Variants in PARN observed in about 807,000 individuals in gnomAD.
PARN encodes poly(A)-specific ribonuclease, also known as poly(A)-specific ribonuclease PARN.
In PARN, 71 loss-of-function variants were observed where a neutral mutation model predicts 102.8. That is an observed-to-expected ratio of 0.69 (90% CI 0.57 to 0.84). The LOEUF is 0.84. Among genes scored for constraint, PARN ranks in the 40% least tolerant of loss-of-function variants. The pLI is 0.00. For missense variants in PARN, 782 were observed against 760.9 expected (o/e 1.03, Z -0.33); for synonymous variants, 261 against 252.9 (o/e 1.03, Z -0.30).
chr16:14,468,117 G>A (rs1962474995), intron 22 of PARN, among the ~76,000 whole-genome samples: 1 of 152,206 alleles, frequency 6.6e-6, no homozygotes, highest in Non-Finnish European at 1.5e-5. Context: ...CGAAGGGAAG[G>A]ATCATAAATG....
At chr16:14,459,038 A>C (rs575629057) in intron 22 of PARN, among the ~76,000 whole-genome samples, 2 of 152,326 alleles carry the variant, frequency 1.3e-5, no homozygotes, top group East Asian at 1.9e-4. Flanking sequence ...TCTCTAAAAA[A>C]AACTGAAACC....
At chr16:14,601,539 C>T (rs1970865342) in intron 11 of PARN, among the ~76,000 whole-genome samples, 1 of 152,136 alleles carries the variant, frequency 6.6e-6, no homozygotes, top group African/African-American at 2.4e-5. Context: ...GATGATTGCA[C>T]AGCAATGTTA....
intron 6 of PARN, among the ~76,000 whole-genome samples, chr16:14,612,876 C>T (rs537169469): frequency 1.1e-4 from 17 of 151,862 alleles, no homozygotes; most frequent in African/African-American, 4.1e-4. Flanking sequence ...AGATTACAGG[C>T]GTGAGCCACC....
chr16:14,553,256 T>TAAAAAAA (rs58411352), intron 20 of PARN, among the ~76,000 whole-genome samples: 5 of 117,454 alleles, frequency 4.3e-5, no homozygotes, highest in Admixed American at 8.9e-5. Flanking sequence ...TATTTCTATT[T>TAAAAAAA]AAAAAAAAAA....
chr16:14,600,092 G>A (rs976937603), intron 11 of PARN, 132 bp from the exon 12 acceptor site: 56 of 508,662 alleles, frequency 1.1e-4, no homozygotes, highest in Middle Eastern at 1.0e-3. Flanking sequence ...TGTGCTTTGC[G>A]CCTATCTTCC....
chr16:14,440,699 C>T (rs1203396116), intron 23 of PARN, among the ~76,000 whole-genome samples: 3 of 152,126 alleles, frequency 2.0e-5, no homozygotes, highest in African/African-American at 7.2e-5. Flanking sequence ...ATACACGCAC[C>T]ACCACAAATC....
chr16:14,558,769 C>G (rs952581722), intron 18 of PARN, among the ~76,000 whole-genome samples: 5 of 152,020 alleles, frequency 3.3e-5, no homozygotes, highest in African/African-American at 9.7e-5. Context: ...ATGATTTTAC[C>G]TTTATAAAAT....
At chr16:14,449,273 G>A (rs921950175) in intron 22 of PARN, among the ~76,000 whole-genome samples, 1 of 152,042 alleles carries the variant, frequency 6.6e-6, no homozygotes, top group Non-Finnish European at 1.5e-5. Context: ...AAATACTGAG[G>A]CATATATGGA....
chr16:14,461,093 G>C (rs182524013), intron 22 of PARN, among the ~76,000 whole-genome samples: 1 of 152,268 alleles, frequency 6.6e-6, no homozygotes, highest in East Asian at 1.9e-4. Flanking sequence ...CTAACCACTA[G>C]AAAAATATCA....
chr16:14,461,119 G>A (rs575090068), intron 22 of PARN, among the ~76,000 whole-genome samples: 1 of 152,270 alleles, frequency 6.6e-6, no homozygotes, highest in Admixed American at 6.5e-5. Flanking sequence ...ACTCAAGTTG[G>A]AGGACATTCC....
intron 22 of PARN, among the ~76,000 whole-genome samples, chr16:14,453,915 T>C (rs772454487): frequency 1.3e-4 from 20 of 152,224 alleles, no homozygotes; most frequent in Non-Finnish European, 2.9e-4. Context: ...AACATAAGTT[T>C]TTATTTTTCA....
intron 21 of PARN, among the ~76,000 whole-genome samples, chr16:14,551,394 C>A (rs187307393): frequency 0.028 from 4,249 of 151,864 alleles, 80 homozygotes; most frequent in Non-Finnish European, 0.04. Flanking sequence ...CATCGTGAAA[C>A]CCCATCTCTA....
chr16:14,444,608 C>T (rs1961107728), intron 23 of PARN, among the ~76,000 whole-genome samples: 2 of 152,060 alleles, frequency 1.3e-5, no homozygotes, highest in Admixed American at 6.5e-5. Flanking sequence ...GAGTAATAAA[C>T]TAAAAAAATC....
chr16:14,569,305 G>GT (rs1311670026), intron 18 of PARN, among the ~76,000 whole-genome samples: 14 of 152,084 alleles, frequency 9.2e-5, no homozygotes, highest in Admixed American at 7.9e-4. Flanking sequence ...TCACTACAGT[G>GT]TAAGTCACAG....
intron 11 of PARN, among the ~76,000 whole-genome samples, chr16:14,600,267 TAAA>T (rs1271000572): frequency 6.6e-6 from 1 of 152,190 alleles, no homozygotes; most frequent in Non-Finnish European, 1.5e-5. Context: ...CAAGGTGTCT[TAAA>T]AACAGTAACT....
chr16:14,484,408 A>G (rs1331194998), intron 21 of PARN, among the ~76,000 whole-genome samples: 1 of 152,114 alleles, frequency 6.6e-6, no homozygotes, highest in Admixed American at 6.5e-5. Context: ...TATTACCCAC[A>G]CTGGCAGTGA....
chr16:14,499,671 A>G (rs1347698197), intron 21 of PARN, among the ~76,000 whole-genome samples: 1 of 152,182 alleles, frequency 6.6e-6, no homozygotes, highest in Non-Finnish European at 1.5e-5. Flanking sequence ...CATTGTAAAA[A>G]CCAACTGGTT....
intron 7 of PARN, 113 bp from the exon 8 acceptor site, chr16:14,609,236 A>G: frequency 1.7e-6 from 1 of 586,792 alleles, no homozygotes; most frequent in Non-Finnish European, 3.0e-6. Flanking sequence ...TGACAATGTA[A>G]TTCTACCAAA....
intron 3 of PARN, 94 bp from the exon 4 acceptor site, chr16:14,627,430 A>G (rs765515538): frequency 5.1e-6 from 4 of 790,820 alleles, no homozygotes; most frequent in Non-Finnish European, 8.7e-6. Context: ...GAATTACTCA[A>G]TGAGACTTCA....
Sources: allele counts gnomAD v4.1 joint callset (sites outside exome capture counted in the v4.1 genomes callset), GRCh38; gene constraint gnomAD v4.1.1; transcripts MANE v1.5; gene names NCBI Gene and HGNC (gene_info 2026-07-23, HGNC 2026-07-21).